The following CNTNAP3 variants were observed in gnomAD, a reference collection of about 807,000 sequenced individuals.
CNTNAP3 encodes contactin associated protein family member 3, also known as contactin-associated protein-like 3.
CNTNAP3 carries 36 observed loss-of-function variants against 92.1 expected under a neutral mutation model. The observed-to-expected ratio is 0.39, with a 90% CI of 0.30 to 0.52. CNTNAP3 has a LOEUF of 0.52. CNTNAP3 is among the 20% of genes least tolerant of loss of function. The probability of loss-of-function intolerance (pLI) is 0.76; values close to 1 mark genes in which losing one functional copy is unlikely to be tolerated. For synonymous variants in CNTNAP3, 232 were observed against 422.3 expected (o/e 0.55, Z 5.53); for missense variants, 534 against 1,069.6 (o/e 0.50, Z 6.98).
intron 13 of CNTNAP3, among the ~76,000 whole-genome samples, chr9:39,124,641 C>G (rs1477436625): frequency 6.6e-6 from 1 of 152,050 alleles, no homozygotes; most frequent in Non-Finnish European, 1.5e-5. Context: ...CCAGAATCTA[C>G]ACAGAACTTA....
At chr9:39,105,275 A>C (rs1056429045) in intron 15 of CNTNAP3, among the ~76,000 whole-genome samples, 31 of 152,140 alleles carry the variant, frequency 2.0e-4, no homozygotes, top group East Asian at 3.9e-4. Flanking sequence ...AAAATACAAA[A>C]AATTAGCCAG....
chr9:39,267,595 AG>A (rs1822904541), intron 1 of CNTNAP3, among the ~76,000 whole-genome samples: 1 of 58,104 alleles, frequency 1.7e-5, no homozygotes, highest in Non-Finnish European at 3.4e-5. Context: ...CCCACTCTGT[AG>A]ACCCCTCCAG....
intron 4 of CNTNAP3, among the ~76,000 whole-genome samples, chr9:39,179,286 T>TACACATACACACACAC (rs1554652865): frequency 1.2e-5 from 1 of 80,724 alleles, no homozygotes. Context: ...TCTCTCTCTC[T>TACACATACACACACAC]ACACACACAC....
intron 23 of CNTNAP3, among the ~76,000 whole-genome samples, chr9:39,076,657 A>G (rs1041958198): frequency 1.3e-5 from 2 of 152,306 alleles, no homozygotes; most frequent in African/African-American, 4.8e-5. Flanking sequence ...AGTCTGCAGA[A>G]TAAGAATACA....
intron 13 of CNTNAP3, among the ~76,000 whole-genome samples, chr9:39,119,685 T>G (rs1219790438): frequency 6.6e-6 from 1 of 152,150 alleles, no homozygotes; most frequent in East Asian, 1.9e-4. Flanking sequence ...ATAAAAGATC[T>G]TGTAGACTTG....
At chr9:39,109,455 T>G (rs1034511415) in intron 14 of CNTNAP3, among the ~76,000 whole-genome samples, 168 bp from the exon 15 acceptor site, 4 of 152,148 alleles carry the variant, frequency 2.6e-5, no homozygotes, top group Non-Finnish European at 4.4e-5. Context: ...AAATCAGGGA[T>G]GGGCAAACAT....
At chr9:39,123,240 G>A (rs937980098) in intron 13 of CNTNAP3, among the ~76,000 whole-genome samples, 12 of 151,818 alleles carry the variant, frequency 7.9e-5, no homozygotes, top group Non-Finnish European at 1.6e-4. Flanking sequence ...GACTACAGGC[G>A]CCCGCCACCA....
At chr9:39,074,932 C>T (rs1564065885) in intron 23 of CNTNAP3, among the ~76,000 whole-genome samples, 2 of 152,292 alleles carry the variant, frequency 1.3e-5, no homozygotes, top group African/African-American at 4.8e-5. Context: ...CCGCGCCCGG[C>T]TAACTTTTTG....
Position 39,073,179 on chromosome 9 carries a change from C to T in CNTNAP3, c.*711G>A, listed in dbSNP as rs909880996. 6.4e-6 allele frequency: 1 copy of T among 156,330 alleles called. No homozygotes were observed. Among genetic ancestry groups the T allele is most frequent in the African/African-American group, 2.4e-5 (1 of 41,494 alleles). 9.7% of individuals were successfully genotyped at this position (156,330 alleles called of 1,614,324 possible). ...AGCTAACATTCAATATTAATTTCAA[C>T]ATTAAAATGTATCAAAATCATTAAA... is the stretch of plus-strand genomic sequence containing the variant. On this transcript the variant is annotated 3_prime_UTR_variant, in exon 24 of 24. Coordinates refer to ENST00000297668, the MANE Select transcript of CNTNAP3 (RefSeq NM_033655.5).
intron 13 of CNTNAP3, among the ~76,000 whole-genome samples, chr9:39,128,800 T>C (rs1359934052): frequency 6.6e-6 from 1 of 151,270 alleles, no homozygotes; most frequent in African/African-American, 2.4e-5. Flanking sequence ...TAAAAAAAAA[T>C]TAAGTTCAAA....
chr9:39,141,828 A>G (rs1306029635), intron 11 of CNTNAP3, among the ~76,000 whole-genome samples: 1 of 152,194 alleles, frequency 6.6e-6, no homozygotes, highest in East Asian at 1.9e-4. Flanking sequence ...GGCTTTTTAA[A>G]TGATAATGTA....
chr9:39,069,013 C>T lies in CNTNAP3; in HGVS notation c.*4877G>A, dbSNP rs1289991967. On this transcript the variant is annotated 3_prime_UTR_variant, in exon 24 of 24. Coordinates refer to ENST00000297668, the MANE Select transcript of CNTNAP3 (RefSeq NM_033655.5). ...AAAGAAATATATGTAAGTATAAACA[C>T]ACATACACATATATATATGTATGTA... Among the ~76,000 whole-genome samples, 4 of 131,270 alleles carry T rather than the reference C, an allele frequency of 3.0e-5. No individual in the cohort carries two copies. The highest frequency in any genetic ancestry group is 1.3e-4 in the African/African-American group (4 of 31,748). The allele number at this position is 131,270 out of a possible 152,430, so 86.1% of individuals were successfully genotyped here.
chr9:39,149,478 T>C (rs1167842404), intron 10 of CNTNAP3, among the ~76,000 whole-genome samples: 1 of 151,708 alleles, frequency 6.6e-6, no homozygotes, highest in East Asian at 1.9e-4. Context: ...GCCTCCCCAG[T>C]AGCTGGGACT....
intron 21 of CNTNAP3, among the ~76,000 whole-genome samples, chr9:39,084,216 T>TTTTTTTA: frequency 6.9e-6 from 1 of 144,486 alleles, no homozygotes; most frequent in African/African-American, 2.5e-5. Flanking sequence ...TTTTTTTTTT[T>TTTTTTTA]GAGACAGAGT....
intron 21 of CNTNAP3, 25 bp from the exon 22 acceptor site, chr9:39,078,945 G>C (rs1587694607): frequency 2.0e-6 from 3 of 1,531,762 alleles, no homozygotes; most frequent in Non-Finnish European, 2.6e-6. Context: ...GGAACACACA[G>C]TTAGGGCGCA....
rs367597797 is a variant in CNTNAP3, at chr9:39,087,216, G to C, written c.3221-367C>G. Reference sequence around the variant, plus strand: ...AAATGATGAAACTCTATGCAATATTGTATCAACATTCAGTTCCTGTAATTA... The same window carrying C: ...AAATGATGAAACTCTATGCAATATTCTATCAACATTCAGTTCCTGTAATTA... On this transcript the variant is annotated intron_variant, in intron 19 of 23. Transcript: ENST00000297668. 5.8e-3 allele frequency among the ~76,000 whole-genome samples: 888 copies of C among 152,248 alleles called. 9 individuals are homozygous for C. In the South Asian group the frequency reaches 0.082, roughly 14 times the overall value.
intron 21 of CNTNAP3, among the ~76,000 whole-genome samples, chr9:39,079,795 G>C (rs1342996182): frequency 7.6e-6 from 1 of 131,378 alleles, no homozygotes; most frequent in Admixed American, 7.4e-5. Context: ...CCTTCACACT[G>C]TTATATGAAA....
At chr9:39,090,365 T>C (rs1253205212) in intron 18 of CNTNAP3, among the ~76,000 whole-genome samples, 1 of 152,204 alleles carries the variant, frequency 6.6e-6, no homozygotes, top group African/African-American at 2.4e-5. Flanking sequence ...TTTAAGAGTT[T>C]TATAGTTTTA....
At position 39,241,682 on chromosome 9, in the gene CNTNAP3, G is replaced by T. The variant is rs75896770; in HGVS notation, c.197-2496C>A. 4.8e-3 allele frequency among the ~76,000 whole-genome samples: 20 copies of T among 4,198 alleles called. 8 individuals are homozygous for T. The highest frequency in any genetic ancestry group is 5.1e-3 in the African/African-American group (20 of 3,930). The allele number at this position is 4,198 out of a possible 152,430, so 2.8% of individuals were successfully genotyped here. A position where few individuals can be genotyped will look rare whatever the true frequency, so the allele number is the denominator to read the frequency against. The stretch of plus-strand genomic sequence containing the variant: ...TTTTATGGGGGTTTTTTTTGTTGTT[G>T]TTTTTTTTGTTTGTTTGTTTTGAGA... On this transcript the variant is annotated intron_variant, in intron 2 of 23. Transcript: ENST00000297668.
Sources: gnomAD v4.1 joint callset for allele counts (sites outside exome capture counted in the v4.1 genomes callset) on GRCh38, gnomAD v4.1.1 for gene constraint, MANE v1.5 for transcripts, NCBI Gene and HGNC (gene_info 2026-07-23, HGNC 2026-07-21) for gene names.